ATP8B4: variants seen among roughly 807,000 people sequenced by gnomAD.
ATP8B4 encodes the protein probable phospholipid-transporting ATPase IM.
A neutral mutation model predicts 145.6 loss-of-function variants in ATP8B4; 133 were observed. The observed-to-expected ratio is 0.91, with a 90% confidence interval of 0.79 to 1.05. The LOEUF is 1.05. ATP8B4 is among the 50% of genes least tolerant of loss of function. ATP8B4 has a pLI of 0.00. For missense variants in ATP8B4, 1,458 were observed against 1,425.2 expected (o/e 1.02, Z -0.37); for synonymous variants, 507 against 492.9 (o/e 1.03, Z -0.38).
chr15:49,891,939 C>G (rs1027668822), intron 23 of ATP8B4, among the ~76,000 whole-genome samples: 1 of 151,740 alleles, frequency 6.6e-6, no homozygotes, highest in Non-Finnish European at 1.5e-5. Context: ...CATGGTGAAA[C>G]CCTGTCTCTA....
chr15:49,964,715 G>A (rs1282232624), intron 13 of ATP8B4, among the ~76,000 whole-genome samples: 1 of 152,138 alleles, frequency 6.6e-6, no homozygotes, highest in African/African-American at 2.4e-5. Context: ...GCTATCATGG[G>A]ATTTGTGAAT....
chr15:49,901,809 T>A (rs944819633), intron 20 of ATP8B4: 1 of 425,336 alleles, frequency 2.4e-6, no homozygotes, highest in African/African-American at 2.1e-5. Context: ...GCCATTATAA[T>A]AGGATAGAAC....
At chr15:50,141,733 A>G (rs1424389305) in intron 1 of ATP8B4, among the ~76,000 whole-genome samples, 5 of 152,334 alleles carry the variant, frequency 3.3e-5, no homozygotes, top group African/African-American at 9.6e-5. Flanking sequence ...ATTTTATGGC[A>G]TGTAAATTAT....
At chr15:49,922,218 T>C (rs2040325924) in intron 17 of ATP8B4, 1 of 182,644 alleles carries the variant, frequency 5.5e-6, no homozygotes, top group South Asian at 9.2e-5. Flanking sequence ...GTTAAATTTA[T>C]ATTACCTGAA....
chr15:49,912,823 T>C (rs1245784131), intron 20 of ATP8B4, among the ~76,000 whole-genome samples: 2 of 152,104 alleles, frequency 1.3e-5, no homozygotes, highest in East Asian at 3.9e-4. Context: ...GGTGGCTCCA[T>C]GCCTTGTTTT....
chr15:49,955,652 G>A (rs1163532910), intron 14 of ATP8B4, among the ~76,000 whole-genome samples: 1 of 152,152 alleles, frequency 6.6e-6, no homozygotes, highest in Non-Finnish European at 1.5e-5. Context: ...ACAGATAAGG[G>A]AAATGTGATA....
chr15:50,045,877 G>C (rs550568164), intron 4 of ATP8B4, among the ~76,000 whole-genome samples: 1 of 152,346 alleles, frequency 6.6e-6, no homozygotes, highest in Admixed American at 6.5e-5. Flanking sequence ...GGAATGGTGT[G>C]AAGTGTTACT....
At chr15:49,965,090 T>G (rs922218778) in intron 13 of ATP8B4, among the ~76,000 whole-genome samples, 10 of 152,206 alleles carry the variant, frequency 6.6e-5, no homozygotes, top group Non-Finnish European at 1.2e-4. Context: ...AATACATTGA[T>G]ATAACAATGC....
chr15:49,985,359 G>C (rs1379843547), intron 10 of ATP8B4, among the ~76,000 whole-genome samples: 13 of 152,276 alleles, frequency 8.5e-5, no homozygotes, highest in Non-Finnish European at 7.4e-5. Context: ...GCCTCCCAAA[G>C]TGCTGGGATT....
chr15:49,958,445 A>G (rs1240553254), intron 14 of ATP8B4, among the ~76,000 whole-genome samples: 1 of 151,644 alleles, frequency 6.6e-6, no homozygotes, highest in Non-Finnish European at 1.5e-5. Flanking sequence ...AAAATGCAGG[A>G]AAAAAATAAG....
At chr15:49,908,320 T>C (rs2038846823) in intron 20 of ATP8B4, among the ~76,000 whole-genome samples, 1 of 152,206 alleles carries the variant, frequency 6.6e-6, no homozygotes, top group South Asian at 2.1e-4. Context: ...AGCACCAAGA[T>C]AGAGAGTAGA....
rs142966283 is a variant in ATP8B4, at chr15:49,983,365, T to C, written c.749-2071A>G. 4.0e-3 allele frequency among the ~76,000 whole-genome samples: 611 copies of C among 152,294 alleles called. 6 individuals carry two copies. Among genetic ancestry groups the C allele is most frequent in the African/African-American group, 0.013 (556 of 41,566 alleles). On this transcript the variant is annotated intron_variant, in intron 10 of 27. Transcript: ENST00000284509. ...ATCACCATCCATCCAGTTGCGAAGGTTGGAAGAAACCTCAGTCATAGTTGA... is the reference window on the plus strand; with the variant it reads ...ATCACCATCCATCCAGTTGCGAAGGCTGGAAGAAACCTCAGTCATAGTTGA...
chr15:49,930,325 T>C (rs146778093), intron 16 of ATP8B4, among the ~76,000 whole-genome samples: 26 of 152,084 alleles, frequency 1.7e-4, no homozygotes, highest in Non-Finnish European at 3.2e-4. Context: ...GGAGATGAAT[T>C]TAGCTTTCAA....
At chr15:50,135,081 T>C (rs2044103303) in intron 1 of ATP8B4, among the ~76,000 whole-genome samples, 1 of 152,236 alleles carries the variant, frequency 6.6e-6, no homozygotes, top group African/African-American at 2.4e-5. Context: ...AGCCTTAACT[T>C]AGAGCCTCAA....
chr15:50,146,013 A>ATTTT (rs2044271431), intron 1 of ATP8B4, among the ~76,000 whole-genome samples: 1 of 60,310 alleles, frequency 1.7e-5, no homozygotes, highest in Non-Finnish European at 3.1e-5. Context: ...ATAAATGTTT[A>ATTTT]CTTTTTTTTT....
chr15:49,900,296 C>T (rs1373719608), intron 21 of ATP8B4, among the ~76,000 whole-genome samples: 1 of 152,202 alleles, frequency 6.6e-6, no homozygotes, highest in African/African-American at 2.4e-5. Flanking sequence ...AGGGAGAAAA[C>T]ACAATATCCT....
chr15:50,003,273 CATGT>C (rs1273848567), intron 7 of ATP8B4, among the ~76,000 whole-genome samples: 1 of 85,886 alleles, frequency 1.2e-5, no homozygotes, highest in Non-Finnish European at 2.4e-5. Context: ...ATAGGGTGTG[CATGT>C]GTGTGTGTGT....
rs1224647245 is a variant in ATP8B4, at chr15:50,136,944, A to C, written c.-42-29936T>G. The stretch of plus-strand genomic sequence containing the variant: ...ACATATGATTTTATTATTATAATTG[A>C]AACACTGGACAAAAGAAATGAAAGT... On this transcript the variant is annotated intron_variant, in intron 1 of 3. Coordinates refer to the ATP8B4 transcript ENST00000558829. Among the ~76,000 whole-genome samples the C allele has an allele frequency of 3.3e-5, 5 of 152,284 alleles. No homozygotes were observed. The East Asian group carries it at 5.8e-4, about 18-fold the overall frequency.
intron 21 of ATP8B4, among the ~76,000 whole-genome samples, chr15:49,899,118 C>G (rs1013255465): frequency 6.6e-6 from 1 of 152,120 alleles, no homozygotes; most frequent in African/African-American, 2.4e-5. Context: ...CTTCTATCAC[C>G]ACTTTTAAGT....
Sources: allele counts gnomAD v4.1 joint callset (sites outside exome capture counted in the v4.1 genomes callset), GRCh38; gene constraint gnomAD v4.1.1; transcripts MANE v1.5; gene names NCBI Gene and HGNC (gene_info 2026-07-23, HGNC 2026-07-21).